TNIP2: variants seen among roughly 807,000 people sequenced by gnomAD.
The protein encoded by TNIP2 is TNFAIP3 interacting protein 2, also known as TNFAIP3-interacting protein 2.
In TNIP2, 30 loss-of-function variants were observed where a neutral mutation model predicts 43.7. The observed-to-expected ratio is 0.69, with a 90% CI of 0.51 to 0.93. The LOEUF is 0.93. TNIP2 is among the 40% of genes least tolerant of loss of function. The pLI, the probability that TNIP2 is intolerant of heterozygous loss-of-function variation, is 0.00. For synonymous variants in TNIP2, 260 were observed against 254.6 expected, an observed-to-expected ratio of 1.02 and a Z score of -0.20; for missense variants, 599 against 591.0, an observed-to-expected ratio of 1.01 and a Z score of -0.14.
Position 2,756,266 on chromosome 4 carries a change from G to A in TNIP2, c.24C>T (p.Gly8=). 7.0e-7 allele frequency: 1 copy of A among 1,426,664 alleles called. No homozygotes were observed. The highest frequency in any genetic ancestry group is 1.4e-5 in the South Asian group (1 of 71,880). The allele number at this position is 1,426,664 out of a possible 1,614,324, so 88.4% of individuals were successfully genotyped here. A position where few individuals can be genotyped will look rare whatever the true frequency, so the allele number is the denominator to read the frequency against. MSRDPGS[G]GWEEAPRAAA... is the part of the protein sequence containing the mutation. ...CTGCGCGCGGGGCCTCCTCCCAGCC[G>A]CCCGACCCCGGGTCCCGGGACATGG... The change falls in exon 1 of 6, where the codon GGC becomes GGT. Residue 8 remains glycine (G), a synonymous_variant. Transcript: ENST00000315423.
In TNIP2 at chr4:2,756,108, G is replaced by T. The variant is rs746943072; in HGVS notation, c.182C>A (p.Pro61Gln). ...RLAALEGDAA[P>Q]SLVDALLEQV... Reference sequence around the variant, plus strand: ...CTCCAGCAGCGCGTCCACTAGGGACGGCGCGGCGTCCCCCTCCAGCGCGGC... The same window carrying T: ...CTCCAGCAGCGCGTCCACTAGGGACTGCGCGGCGTCCCCCTCCAGCGCGGC... The change falls in exon 1 of 6, where the codon CCG becomes CAG. Residue 61 changes from proline (P) to glutamine (Q), a missense_variant. Transcript: ENST00000315423. 3 of 1,490,284 alleles carry T rather than the reference G, an allele frequency of 2.0e-6. No homozygotes were observed. The highest frequency in any genetic ancestry group is 1.3e-5 in the South Asian group (1 of 79,034). 92.3% of individuals were successfully genotyped at this position (1,490,284 alleles called of 1,614,324 possible).
chr4:2,742,608 C>T (rs754925719), intron 5 of TNIP2, 88 bp from the exon 6 acceptor site: 2 of 1,382,834 alleles, frequency 1.4e-6, no homozygotes, highest in Non-Finnish European at 1.9e-6. Context: ...AGGCACTTCA[C>T]CTATCCCTGA....
chr4:2,744,307 C>T lies in TNIP2; in HGVS notation c.1026+80G>A. ...ACCAGCAAATCAGGGCCTTGGCAGA[C>T]ACAGAAAGGCTCTAATCTCATGAGA... On this transcript the variant is annotated intron_variant, in intron 5 of 5. Transcript: ENST00000315423. This position sits in a 1 kb window ranked among gnomAD's most constrained non-coding sequence, Gnocchi z 5.1. The T allele has an allele frequency of 1.3e-6, 2 of 1,572,160 alleles. No homozygotes were observed. Among genetic ancestry groups the T allele is most frequent in the South Asian group, 1.1e-5 (1 of 87,748 alleles).
rs772713756 is a variant in TNIP2, at chr4:2,756,157, T to C, written c.133A>G (p.Ile45Val). The change falls in exon 1 of 6, where the codon ATC becomes GTC. Residue 45 changes from isoleucine (I) to valine (V), a missense_variant. By Grantham distance (29) the Ile-to-Val change is conservative. Transcript: ENST00000315423. ...GCCAGGCGGGCGCGGAGGCGAGCGA[T>C]GAGGGCGTCGCGGGCAGCGAGCTGG... ...QDQLAARDAL[I>V]ARLRARLAAL... 2.7e-6 allele frequency: 4 copies of C among 1,477,074 alleles called. No homozygotes were observed. In the South Asian group the frequency reaches 5.1e-5, roughly 19 times the overall value. The allele number at this position is 1,477,074 out of a possible 1,614,324, so 91.5% of individuals were successfully genotyped here. A position where few individuals can be genotyped will look rare whatever the true frequency, so the allele number is the denominator to read the frequency against.
rs1343775030 is a variant in TNIP2 at position 2,744,719 on chromosome 4, C to T, written c.884G>A (p.Arg295Gln). The T allele has an allele frequency of 2.5e-6, 4 of 1,604,300 alleles. No individual in the cohort carries two copies. Among genetic ancestry groups the T allele is most frequent in the South Asian group, 1.1e-5 (1 of 91,060 alleles). ...CACCTGCTGTTCCAGCATCTGCACC[C>T]GCTCCAACGCAGCATCCCGGGCCGT... ...SRTARDAALE[R>Q]VQMLEQQILA... is the part of the protein sequence containing the mutation. The change falls in exon 4 of 6, where the codon CGG becomes CAG. Residue 295 changes from arginine (R) to glutamine (Q), a missense_variant. Transcript: ENST00000315423. This position sits in a 1 kb window ranked among gnomAD's most constrained non-coding sequence, Gnocchi z 5.1.
intron 1 of TNIP2, among the ~76,000 whole-genome samples, chr4:2,753,710 A>G (rs1454825394): frequency 2.0e-5 from 3 of 152,120 alleles, no homozygotes; most frequent in African/African-American, 7.2e-5. Flanking sequence ...ATGACTTCGG[A>G]GTGTCCTTCC....
intron 1 of TNIP2, among the ~76,000 whole-genome samples, chr4:2,749,511 CAG>C (rs372858177): frequency 6.6e-6 from 1 of 152,200 alleles, no homozygotes; most frequent in Non-Finnish European, 1.5e-5. Flanking sequence ...GACAGACACA[CAG>C]AGAGAAGACG....
chr4:2,744,511 A>G lies in TNIP2; in HGVS notation c.907-5T>C, dbSNP rs543575798. The G allele has an allele frequency of 1.2e-6, 2 of 1,614,078 alleles. No homozygotes were observed. The highest frequency in any genetic ancestry group is 1.1e-5 in the South Asian group (1 of 91,080). On this transcript the variant is annotated splice_region_variant and splice_polypyrimidine_tract_variant and intron_variant, in intron 4 of 5. Transcript: ENST00000315423. The surrounding 1 kb of genome is among the most constrained non-coding windows in gnomAD (Gnocchi z 5.1). Reference sequence around the variant, plus strand: ...GTCATCCTTGTAAGCGAGAATCTGAAGAGAGGCGAGACACACATTTCTGCT... The same window carrying G: ...GTCATCCTTGTAAGCGAGAATCTGAGGAGAGGCGAGACACACATTTCTGCT...
chr4:2,751,363 C>T (rs950918854), intron 1 of TNIP2, among the ~76,000 whole-genome samples: 2 of 152,234 alleles, frequency 1.3e-5, no homozygotes, highest in Admixed American at 1.3e-4. Flanking sequence ...CATAGCTCCA[C>T]GCTCAGAACA....
chr4:2,747,987 A>C (rs759502043), intron 1 of TNIP2, 42 bp from the exon 2 acceptor site: 5 of 1,588,422 alleles, frequency 3.1e-6, no homozygotes, highest in African/African-American at 1.3e-5. Flanking sequence ...GAATTAAAAG[A>C]AGCAGTGTCA....
rs1420769232 is a variant in TNIP2 at position 2,744,220 on chromosome 4, G to A, written c.1026+167C>T. ...TAACAGGGAGGCTTTCCATGACCAC[G>A]CCCAGGTACCAGGCCAGGTGGCTCT... On this transcript the variant is annotated intron_variant, in intron 5 of 5. Transcript: ENST00000315423. The surrounding 1 kb of genome is among the most constrained non-coding windows in gnomAD (Gnocchi z 5.1). 2.6e-5 allele frequency among the ~76,000 whole-genome samples: 4 copies of A among 152,030 alleles called. No individual in the cohort carries two copies. The highest frequency in any genetic ancestry group is 9.7e-5 in the African/African-American group (4 of 41,386).
intron 1 of TNIP2, among the ~76,000 whole-genome samples, chr4:2,753,973 C>G (rs1384556108): frequency 1.3e-5 from 2 of 152,216 alleles, no homozygotes; most frequent in Non-Finnish European, 2.9e-5. Context: ...GTACACACAC[C>G]TTATACACAG....
At chr4:2,745,416 C>A (rs909151574) in intron 3 of TNIP2, 30 bp downstream of exon 3, 2 of 1,537,294 alleles carry the variant, frequency 1.3e-6, no homozygotes, top group Non-Finnish European at 1.8e-6. Flanking sequence ...GCCATGTGTT[C>A]TTCTCAAACG....
Position 2,742,204 on chromosome 4 carries a change from C to T in TNIP2, c.*53G>A. ...GCATCTGAGAGCACCCACCCTGTCC[C>T]TGAGGGCAGCTGCACCGGGCCAGGA... On this transcript the variant is annotated 3_prime_UTR_variant, in exon 6 of 6. Transcript: ENST00000315423. 1.4e-6 allele frequency: 2 copies of T among 1,405,408 alleles called. No homozygotes were observed. Among genetic ancestry groups the T allele is most frequent in the African/African-American group, 2.9e-5 (2 of 68,542 alleles). The allele number at this position is 1,405,408 out of a possible 1,614,324, so 87.1% of individuals were successfully genotyped here.
At position 2,747,638 on chromosome 4, in the gene TNIP2, CTTACACTGT is replaced by C; in HGVS notation, c.567+8_567+16del. On this transcript the variant is annotated splice_region_variant and intron_variant, in intron 2 of 5. Transcript: ENST00000315423. ...ACACAGAGGTCTTCCCCACACTCTG[CTTACACTGT>C]GGCCTACCTGGTCAGGACTTCTCTC... is the stretch of plus-strand genomic sequence containing the variant. 1 of 1,589,806 alleles carries C rather than the reference CTTACACTGT, an allele frequency of 6.3e-7. No individual in the cohort carries two copies. The highest frequency in any genetic ancestry group is 1.1e-5 in the South Asian group (1 of 90,316).
Position 2,745,484 on chromosome 4 carries a change from G to T in TNIP2, c.619C>A (p.Gln207Lys). The T allele has an allele frequency of 6.2e-7, 1 of 1,613,940 alleles. No individual in the cohort carries two copies. Among genetic ancestry groups the T allele is most frequent in the Non-Finnish European group, 8.5e-7 (1 of 1,179,864 alleles). ...TGTTTTAACAGTCGATTTTCTTCCTGCAACTTCTCAATAACACTCTGGACA... is the reference window on the plus strand; with the variant it reads ...TGTTTTAACAGTCGATTTTCTTCCTTCAACTTCTCAATAACACTCTGGACA... ...TSVQSVIEKLQEENRLLKQKV... is the reference protein window; with the variant it reads ...TSVQSVIEKLKEENRLLKQKV... Residue 207 changes from glutamine to lysine, a missense_variant, in exon 3 of 6, where the codon CAG (glutamine) becomes AAG (lysine). By Grantham distance (53) the Gln-to-Lys change is moderately conservative. Coordinates refer to ENST00000315423, the MANE Select transcript of TNIP2 (RefSeq NM_024309.4).
In TNIP2 at chr4:2,756,264, C is replaced by T. The variant is rs757445500; in HGVS notation, c.26G>A (p.Gly9Asp). ...AGCTGCGCGCGGGGCCTCCTCCCAG[C>T]CGCCCGACCCCGGGTCCCGGGACAT... Reference protein sequence around the residue: MSRDPGSGGWEEAPRAAAA... With the variant: MSRDPGSGDWEEAPRAAAA... The change falls in exon 1 of 6, where the codon GGC becomes GAC. Residue 9 changes from glycine to aspartate, a missense_variant. Physicochemically the swap from Gly to Asp is moderately conservative, Grantham distance 94. Transcript: ENST00000315423. 2.2e-4 allele frequency: 308 copies of T among 1,427,516 alleles called. 2 individuals carry two copies. In the Admixed American group the frequency reaches 5.7e-3, roughly 26 times the overall value. 88.4% of individuals were successfully genotyped at this position (1,427,516 alleles called of 1,614,324 possible). A position where few individuals can be genotyped will look rare whatever the true frequency, so the allele number is the denominator to read the frequency against.
At chr4:2,751,829 G>C (rs540441099) in intron 1 of TNIP2, among the ~76,000 whole-genome samples, 113 of 151,562 alleles carry the variant, frequency 7.5e-4, no homozygotes, top group Non-Finnish European at 1.3e-3. Flanking sequence ...AAGGTGGCCC[G>C]GGGCGGTGGC....
In TNIP2 at chr4:2,744,044, G is replaced by A. The variant is rs930547441; in HGVS notation, c.1026+343C>T. The stretch of plus-strand genomic sequence containing the variant: ...ACATGACAAGGTAAGCGGGGTTCCC[G>A]TCTCACAGACAGGTCAGGACACGTA... On this transcript the variant is annotated intron_variant, in intron 5 of 5. Coordinates refer to ENST00000315423, the MANE Select transcript of TNIP2 (RefSeq NM_024309.4). The surrounding 1 kb of genome is among the most constrained non-coding windows in gnomAD (Gnocchi z 5.1). 2.6e-5 allele frequency among the ~76,000 whole-genome samples: 4 copies of A among 152,174 alleles called. No homozygotes were observed. Among genetic ancestry groups the A allele is most frequent in the South Asian group, 2.1e-4 (1 of 4,828 alleles).
Sources: gnomAD v4.1 joint callset for allele counts (sites outside exome capture counted in the v4.1 genomes callset) on GRCh38, gnomAD v4.1.1 for gene constraint, Gnocchi (gnomAD v3.1) non-coding constraint, MANE v1.5 for transcripts, NCBI Gene and HGNC (gene_info 2026-07-23, HGNC 2026-07-21) for gene names.